Variants in RPS6KA2 observed in about 807,000 individuals in gnomAD.
The protein encoded by RPS6KA2 is ribosomal protein S6 kinase alpha-2.
A neutral mutation model predicts 91.8 loss-of-function variants in RPS6KA2; 42 were observed. That is an observed-to-expected ratio of 0.46 (90% confidence interval 0.36 to 0.59). The LOEUF is 0.59. Ranked by LOEUF, RPS6KA2 falls within the 20% of genes least tolerant of loss-of-function variation. The pLI is 0.00. For synonymous variants in RPS6KA2, 414 were observed against 393.6 expected (o/e 1.05, Z -0.61); for missense variants, 798 against 978.5 (o/e 0.82, Z 2.46).
At chr6:166,842,959 A>C (rs1400998534) in intron 2 of RPS6KA2, among the ~76,000 whole-genome samples, 2 of 152,126 alleles carry the variant, frequency 1.3e-5, no homozygotes, top group Non-Finnish European at 2.9e-5. Flanking sequence ...AAAAACCGTG[A>C]GTCTGCCTGC....
At position 166,510,730 on chromosome 6, in the gene RPS6KA2, C is replaced by G. The variant is rs79264776; in HGVS notation, c.299-373G>C. Among the ~76,000 whole-genome samples the G allele has an allele frequency of 3.3e-5, 5 of 151,252 alleles. No homozygotes were observed. The East Asian group carries it at 7.8e-4, about 24-fold the overall frequency. On this transcript the variant is annotated intron_variant, in intron 3 of 20. Transcript: ENST00000265678. ...CATAACTTTAACACCTACTGTGCCA[C>G]ATAGGAAAGCCAACAATCACTCCAT...
chr6:166,447,737 T>C (rs1411935751), intron 14 of RPS6KA2, among the ~76,000 whole-genome samples: 1 of 152,208 alleles, frequency 6.6e-6, no homozygotes, highest in Admixed American at 6.5e-5. Context: ...AAAATTACTC[T>C]TTTTACACGA....
chr6:166,818,215 GT>G (rs138054793), intron 2 of RPS6KA2, among the ~76,000 whole-genome samples: 3 of 152,016 alleles, frequency 2.0e-5, no homozygotes, highest in African/African-American at 7.3e-5. Context: ...TGTCTTTGTA[GT>G]TTTTTTAAAA....
chr6:166,662,113 ATTTC>A lies in RPS6KA2; in HGVS notation c.124-123333_124-123330del, dbSNP rs1457228680. On this transcript the variant is annotated intron_variant, in intron 2 of 21. Transcript: ENST00000503859. This position sits in a 1 kb window ranked among gnomAD's most constrained non-coding sequence, Gnocchi z 4.3. ...AGGGGTTGTTTATCATATTATGAATATTTCTTAATTTTTACCTACTTAATATTTT... is the reference window on the plus strand; with the variant it reads ...AGGGGTTGTTTATCATATTATGAATATTAATTTTTACCTACTTAATATTTT... Among the ~76,000 whole-genome samples the A allele has an allele frequency of 4.6e-5, 7 of 152,220 alleles. No homozygotes were observed. The highest frequency in any genetic ancestry group is 9.6e-5 in the African/African-American group (4 of 41,460).
At position 166,713,868 on chromosome 6, in the gene RPS6KA2, G is replaced by A. The variant is rs59015258; in HGVS notation, c.123+144332C>T. ...AGTTCCGTCGTGGAGGAAGCTGACA[G>A]GCTTGTTAGTGCGCCCCTCATAGTC... On this transcript the variant is annotated intron_variant, in intron 2 of 21. Coordinates refer to the RPS6KA2 transcript ENST00000503859. Among the ~76,000 whole-genome samples, 923 of 152,312 alleles carry A rather than the reference G, an allele frequency of 6.1e-3. 2 individuals carry two copies. Among genetic ancestry groups the A allele is most frequent in the African/African-American group, 0.02 (839 of 41,560 alleles).
intron 2 of RPS6KA2, among the ~76,000 whole-genome samples, chr6:166,807,059 CAAAAG>C (rs1344221939): frequency 2.0e-5 from 3 of 151,984 alleles, no homozygotes; most frequent in Non-Finnish European, 4.4e-5. Context: ...CAACTAAACA[CAAAAG>C]AAAACAGCAA....
intron 10 of RPS6KA2, among the ~76,000 whole-genome samples, chr6:166,483,994 A>C (rs1247686542): frequency 6.6e-6 from 1 of 152,266 alleles, no homozygotes; most frequent in Non-Finnish European, 1.5e-5. Context: ...AAGCGCACAG[A>C]AACAGCATGA....
At chr6:166,687,773 G>A (rs1789070969) in intron 2 of RPS6KA2, among the ~76,000 whole-genome samples, 1 of 152,248 alleles carries the variant, frequency 6.6e-6, no homozygotes, top group Admixed American at 6.5e-5. Flanking sequence ...GCGGCTCTGT[G>A]TGGAGCGTTA....
Position 166,504,601 on chromosome 6 carries a change from C to T in RPS6KA2, c.471G>A (p.Thr157=), listed in dbSNP as rs148050090. The change falls in exon 6 of 21, where the codon ACG becomes ACA. Residue 157 remains threonine, a synonymous_variant. Transcript: ENST00000265678. ...FTRLSKEVMF[T]EEDVKFYLAE... Reference sequence around the variant, plus strand: ...CCAGGTAGAACTTGACATCCTCCTCCGTGAACATGACCTAGTAAGAAAAAA... The same window carrying T: ...CCAGGTAGAACTTGACATCCTCCTCTGTGAACATGACCTAGTAAGAAAAAA... 401 of 1,609,820 alleles carry T rather than the reference C, an allele frequency of 2.5e-4. 2 individuals carry two copies. The highest frequency in any genetic ancestry group is 2.1e-3 in the Admixed American group (123 of 59,200).
intron 2 of RPS6KA2, among the ~76,000 whole-genome samples, chr6:166,727,768 G>A (rs1382891107): frequency 1.3e-5 from 2 of 152,186 alleles, no homozygotes; most frequent in Non-Finnish European, 2.9e-5. Flanking sequence ...CTGGCCTGGT[G>A]CAGTGCTGCT....
At chr6:166,453,743 C>T (rs139121403) in intron 12 of RPS6KA2, among the ~76,000 whole-genome samples, 170 of 152,318 alleles carry the variant, frequency 1.1e-3, no homozygotes, top group African/African-American at 3.5e-3. Context: ...AAAAGATACC[C>T]GCACTTGGAA....
chr6:166,500,298 T>C lies in RPS6KA2; in HGVS notation c.604+589A>G, dbSNP rs1242449346. On this transcript the variant is annotated intron_variant, in intron 7 of 20. Transcript: ENST00000265678. The surrounding 1 kb of genome is among the most constrained non-coding windows in gnomAD (Gnocchi z 4.3). ...TCCTGGCATTTTGTTGCAGATGCTA[T>C]AGGGAACTAATACAAATGGGGTGTC... Among the ~76,000 whole-genome samples the C allele has an allele frequency of 1.3e-5, 2 of 152,224 alleles. No homozygotes were observed. The highest frequency in any genetic ancestry group is 2.4e-5 in the African/African-American group (1 of 41,462).
At chr6:166,559,777 A>C (rs567988936) in intron 1 of RPS6KA2, among the ~76,000 whole-genome samples, 181 of 152,336 alleles carry the variant, frequency 1.2e-3, no homozygotes, top group African/African-American at 4.1e-3. Flanking sequence ...ACCATATATT[A>C]GATGTACAGA....
At chr6:166,671,666 T>C (rs1464002508) in intron 2 of RPS6KA2, among the ~76,000 whole-genome samples, 1 of 150,426 alleles carries the variant, frequency 6.6e-6, no homozygotes, top group Non-Finnish European at 1.5e-5. Context: ...CACTTTCTTC[T>C]CTGTGCTCTG....
At position 166,626,106 on chromosome 6, in the gene RPS6KA2, C is replaced by G. The variant is rs1173437380; in HGVS notation, c.99+815G>C. On this transcript the variant is annotated intron_variant, in intron 1 of 20. Transcript: ENST00000265678. The surrounding 1 kb of genome is among the most constrained non-coding windows in gnomAD (Gnocchi z 4.1). ...AGCCTCAGTCTCCCCATCACCATGT[C>G]TTTTTCACTTAAACACGTTTCACTG... Among the ~76,000 whole-genome samples, 3 of 152,228 alleles carry G rather than the reference C, an allele frequency of 2.0e-5. No homozygotes were observed. Among genetic ancestry groups the G allele is most frequent in the African/African-American group, 7.2e-5 (3 of 41,460 alleles).
In RPS6KA2 at chr6:166,821,557, G is replaced by A. The variant is rs1356681699; in HGVS notation, c.123+36643C>T. Among the ~76,000 whole-genome samples, 2 of 152,030 alleles carry A rather than the reference G, an allele frequency of 1.3e-5. No individual in the cohort carries two copies. Among genetic ancestry groups the A allele is most frequent in the African/African-American group, 4.8e-5 (2 of 41,368 alleles). ...CTGTCCATGTGCATCCTCCGTGTGG[G>A]TGCGGTGGGCCATCCCTCCTCCCAC... On this transcript the variant is annotated intron_variant, in intron 2 of 21. Transcript: ENST00000503859. The surrounding 1 kb of genome is among the most constrained non-coding windows in gnomAD (Gnocchi z 4.1).
At chr6:166,547,186 G>A (rs1337133986) in intron 1 of RPS6KA2, among the ~76,000 whole-genome samples, 2 of 152,170 alleles carry the variant, frequency 1.3e-5, no homozygotes, top group Admixed American at 6.5e-5. Flanking sequence ...AAGAGAGGCC[G>A]GTGACGTGCG....
chr6:166,486,340 T>C (rs755925211), intron 10 of RPS6KA2, among the ~76,000 whole-genome samples: 2 of 152,178 alleles, frequency 1.3e-5, no homozygotes, highest in East Asian at 3.9e-4. Context: ...CCCTCTGTCC[T>C]GATCAGGCGT....
At chr6:166,661,413 T>C (rs1788160933) in intron 2 of RPS6KA2, among the ~76,000 whole-genome samples, 2 of 152,374 alleles carry the variant, frequency 1.3e-5, no homozygotes, top group South Asian at 4.1e-4. Context: ...AATCTTTTAC[T>C]ATTTTAATTT....
Sources: gnomAD v4.1 joint callset for allele counts (sites outside exome capture counted in the v4.1 genomes callset) on GRCh38, gnomAD v4.1.1 for gene constraint, Gnocchi (gnomAD v3.1) non-coding constraint, MANE v1.5 for transcripts, NCBI Gene and HGNC (gene_info 2026-07-23, HGNC 2026-07-21) for gene names.